Variants in CLTCL1 observed in about 807,000 individuals in gnomAD.
The protein encoded by CLTCL1 is clathrin heavy chain 2.
CLTCL1 carries 159 observed loss-of-function variants against 190.0 expected under a neutral mutation model. That is an observed-to-expected ratio of 0.84 (90% CI 0.74 to 0.95). CLTCL1 has a LOEUF of 0.95. Among genes scored for constraint, CLTCL1 ranks in the 40% least tolerant of loss-of-function variants. The pLI, the probability that CLTCL1 is intolerant of heterozygous loss-of-function variation, is 0.00. For synonymous variants in CLTCL1, 752 were observed against 769.6 expected (o/e 0.98, Z 0.38); for missense variants, 1,878 against 2,033.4 (o/e 0.92, Z 1.47).
chr22:19,265,826 C>T (rs2087106166), intron 2 of CLTCL1, among the ~76,000 whole-genome samples: 1 of 152,146 alleles, frequency 6.6e-6, no homozygotes, highest in Non-Finnish European at 1.5e-5. Flanking sequence ...CTATATACAC[C>T]TTGCCAGAAG....
chr22:19,286,258 G>A (rs782143559), intron 1 of CLTCL1, among the ~76,000 whole-genome samples: 4 of 152,148 alleles, frequency 2.6e-5, no homozygotes, highest in Non-Finnish European at 5.9e-5. Flanking sequence ...TGCCACAGCG[G>A]TAGGTACTCC....
rs144778108 is a variant in CLTCL1 at position 19,234,281 on chromosome 22, G to A, written c.1167+228C>T. On this transcript the variant is annotated intron_variant, in intron 7 of 32. Transcript: ENST00000427926. ...ATCTAAGCTGTTGGGTGAGAGGTAC[G>A]TATGCACACAAAGTGGGAGGCGTGA... 3.7e-4 allele frequency among the ~76,000 whole-genome samples: 56 copies of A among 152,324 alleles called. No homozygotes were observed. In the East Asian group the frequency reaches 3.9e-3, roughly 10 times the overall value.
intron 26 of CLTCL1, among the ~76,000 whole-genome samples, chr22:19,193,672 C>T (rs1203480468): frequency 1.3e-5 from 2 of 152,178 alleles, no homozygotes; most frequent in African/African-American, 4.8e-5. Flanking sequence ...TTATTCCTTC[C>T]GGTGGGTTCT....
chr22:19,208,370 A>C (rs2085116031), intron 21 of CLTCL1, 59 bp from the exon 22 acceptor site: 2 of 1,581,560 alleles, frequency 1.3e-6, no homozygotes, highest in Non-Finnish European at 8.6e-7. Flanking sequence ...ACAAGGGCTC[A>C]ATTCCTCCCA....
At chr22:19,181,121 C>T in intron 30 of CLTCL1, 2 of 378,336 alleles carry the variant, frequency 5.3e-6, no homozygotes, top group Non-Finnish European at 9.8e-6. Context: ...GCCAAGTCCT[C>T]CTCTGGATAC....
chr22:19,269,498 T>C (rs1555979447), intron 2 of CLTCL1, among the ~76,000 whole-genome samples: 1 of 152,230 alleles, frequency 6.6e-6, no homozygotes, highest in Non-Finnish European at 1.5e-5. Context: ...CATATGTTTA[T>C]TGCAGCACTA....
intron 2 of CLTCL1, among the ~76,000 whole-genome samples, chr22:19,263,813 G>A (rs1386188410): frequency 1.3e-5 from 2 of 152,124 alleles, no homozygotes; most frequent in Non-Finnish European, 2.9e-5. Context: ...ACTTTTATAT[G>A]CACTGGGAAA....
chr22:19,186,686 C>T (rs533241965), intron 29 of CLTCL1, among the ~76,000 whole-genome samples: 16 of 152,144 alleles, frequency 1.1e-4, no homozygotes, highest in Admixed American at 1.3e-4. Flanking sequence ...CTGCAACCTC[C>T]GCCTCCTGGG....
In CLTCL1 at chr22:19,269,971, GAAC is replaced by G. The variant is rs201597436; in HGVS notation, c.250+5649_250+5651del. ...TTAAAAAAAAAAAAAAGAAATTGCAGAACAACAACAACAAAGAAAATATGTCCA... is the reference window on the plus strand; with the variant it reads ...TTAAAAAAAAAAAAAAGAAATTGCAGAACAACAACAAAGAAAATATGTCCA... On this transcript the variant is annotated intron_variant, in intron 2 of 32. Transcript: ENST00000427926. Among the ~76,000 whole-genome samples the G allele has an allele frequency of 6.4e-4, 96 of 150,654 alleles. No homozygotes were observed. In the South Asian group the frequency reaches 9.9e-3, roughly 16 times the overall value.
At chr22:19,205,929 G>T (rs1219244932) in intron 22 of CLTCL1, among the ~76,000 whole-genome samples, 19 of 145,270 alleles carry the variant, frequency 1.3e-4, no homozygotes, top group Admixed American at 2.7e-4. Context: ...TCCAACCATT[G>T]TTTTTTTTTT....
Position 19,208,149 on chromosome 22 carries a change from C to G in CLTCL1, c.3600+5G>C. Reference sequence around the variant, plus strand: ...AGTGCACAGCCCCCAGGGGGCATGGCCTACCTGCTGGATGTGGGCATTGTT... The same window carrying G: ...AGTGCACAGCCCCCAGGGGGCATGGGCTACCTGCTGGATGTGGGCATTGTT... On this transcript the variant is annotated splice_donor_5th_base_variant and intron_variant, in intron 22 of 32. Coordinates refer to ENST00000427926, the MANE Select transcript of CLTCL1 (RefSeq NM_007098.4). The G allele has an allele frequency of 6.2e-7, 1 of 1,613,830 alleles. No individual in the cohort carries two copies. The highest frequency in any genetic ancestry group is 1.1e-5 in the South Asian group (1 of 91,066).
chr22:19,272,049 C>T (rs560066511), intron 2 of CLTCL1, among the ~76,000 whole-genome samples: 48 of 152,278 alleles, frequency 3.2e-4, no homozygotes, highest in Admixed American at 2.6e-3. Flanking sequence ...TTCAAGGCTA[C>T]AGTGAGCCAT....
intron 3 of CLTCL1, among the ~76,000 whole-genome samples, chr22:19,246,365 T>C (rs782046232): frequency 7.9e-5 from 12 of 152,144 alleles, no homozygotes; most frequent in Non-Finnish European, 1.5e-4. Context: ...TGGCCTTATG[T>C]TTAACTTTTT....
chr22:19,195,084 C>A (rs143723316), intron 26 of CLTCL1, among the ~76,000 whole-genome samples: 8 of 152,200 alleles, frequency 5.3e-5, no homozygotes, highest in Non-Finnish European at 1.2e-4. Context: ...ACTTCCACCA[C>A]GGCTCAGCAA....
At chr22:19,237,838 C>G (rs1378015230) in intron 5 of CLTCL1, among the ~76,000 whole-genome samples, 2 of 152,180 alleles carry the variant, frequency 1.3e-5, no homozygotes, top group African/African-American at 4.8e-5. Context: ...TGTTAAGTTA[C>G]TTCCAAAGGG....
chr22:19,268,489 C>A (rs1230408852), intron 2 of CLTCL1, among the ~76,000 whole-genome samples: 1 of 151,954 alleles, frequency 6.6e-6, no homozygotes, highest in Non-Finnish European at 1.5e-5. Flanking sequence ...ATAAAGAACT[C>A]TTATAATTCA....
chr22:19,257,791 A>G (rs1555973430), intron 2 of CLTCL1: 1 of 1,426,118 alleles, frequency 7.0e-7, no homozygotes, highest in Non-Finnish European at 9.4e-7. Flanking sequence ...CTGAACGACC[A>G]CCTGGCCTCC....
chr22:19,272,260 T>C (rs1036341766), intron 2 of CLTCL1, among the ~76,000 whole-genome samples: 1 of 152,178 alleles, frequency 6.6e-6, no homozygotes, highest in African/African-American at 2.4e-5. Flanking sequence ...AAAATGTATC[T>C]GGTTTTAAAG....
intron 27 of CLTCL1, among the ~76,000 whole-genome samples, chr22:19,189,576 G>C (rs1400875289): frequency 6.6e-6 from 1 of 152,174 alleles, no homozygotes; most frequent in Non-Finnish European, 1.5e-5. Context: ...TAAGATTGCA[G>C]CAATTCAGCC....
Sources: gnomAD v4.1 joint callset for allele counts (sites outside exome capture counted in the v4.1 genomes callset) on GRCh38, gnomAD v4.1.1 for gene constraint, MANE v1.5 for transcripts, NCBI Gene and HGNC (gene_info 2026-07-23, HGNC 2026-07-21) for gene names.